MAPKAP1: variants seen among roughly 807,000 people sequenced by gnomAD.
MAPKAP1 encodes MAPK associated protein 1, also known as target of rapamycin complex 2 subunit MAPKAP1.
Under a neutral mutation model 65.7 loss-of-function variants are expected in MAPKAP1, and 20 were observed. That is an observed-to-expected ratio of 0.30 (90% CI 0.21 to 0.44). The LOEUF (loss-of-function observed/expected upper bound fraction) is 0.44, where lower values mean the gene tolerates loss of function less well. Among genes scored for constraint, MAPKAP1 ranks in the 20% least tolerant of loss-of-function variants. The probability of loss-of-function intolerance (pLI) is 1.00; values close to 1 mark genes in which losing one functional copy is unlikely to be tolerated. For synonymous variants in MAPKAP1, 222 were observed against 244.3 expected (o/e 0.91, Z 0.85); for missense variants, 423 against 648.0 (o/e 0.65, Z 3.77).
At chr9:125,457,532 G>C (rs1020565271) in intron 10 of MAPKAP1, among the ~76,000 whole-genome samples, 3 of 152,184 alleles carry the variant, frequency 2.0e-5, no homozygotes, top group African/African-American at 7.2e-5. Context: ...TGCATGTCTA[G>C]TAATTTTTAA....
intron 5 of MAPKAP1, among the ~76,000 whole-genome samples, chr9:125,577,396 A>T (rs1318789595): frequency 6.9e-6 from 1 of 145,396 alleles, no homozygotes; most frequent in Non-Finnish European, 1.5e-5. Context: ...GTGGGGGGTC[A>T]GCCCCCCGCC....
chr9:125,692,733 T>G (rs1471058908), intron 1 of MAPKAP1, among the ~76,000 whole-genome samples: 1 of 152,224 alleles, frequency 6.6e-6, no homozygotes, highest in African/African-American at 2.4e-5. Context: ...TTTTTTCTAA[T>G]TCAGGTGATT....
intron 1 of MAPKAP1, among the ~76,000 whole-genome samples, chr9:125,705,969 G>C (rs1042762471): frequency 1.3e-5 from 2 of 152,172 alleles, no homozygotes; most frequent in African/African-American, 4.8e-5. Flanking sequence ...GGAGATGTAA[G>C]GGGGTGTAAG....
intron 6 of MAPKAP1, among the ~76,000 whole-genome samples, chr9:125,556,168 T>C (rs1479999365): frequency 6.6e-6 from 1 of 152,214 alleles, no homozygotes; most frequent in Non-Finnish European, 1.5e-5. Flanking sequence ...AACTGATCTG[T>C]GAGGTAGGTA....
intron 7 of MAPKAP1, among the ~76,000 whole-genome samples, chr9:125,512,088 G>C (rs1421368551): frequency 6.6e-6 from 1 of 152,212 alleles, no homozygotes; most frequent in Non-Finnish European, 1.5e-5. Flanking sequence ...AGAATCTGTT[G>C]GTTGGTGGCT....
intron 4 of MAPKAP1, among the ~76,000 whole-genome samples, chr9:125,642,428 C>G (rs776254890): frequency 1.3e-5 from 2 of 152,012 alleles, no homozygotes; most frequent in Non-Finnish European, 2.9e-5. Context: ...TCCTGAAAAA[C>G]AGAGTATGGA....
chr9:125,672,264 G>A, intron 2 of MAPKAP1, 52 bp downstream of exon 2: 4 of 1,592,042 alleles, frequency 2.5e-6, no homozygotes, highest in South Asian at 1.1e-5. Flanking sequence ...TATTCCATAA[G>A]ACTGTTTACT....
At chr9:125,477,347 G>A (rs1353143077) in intron 9 of MAPKAP1, among the ~76,000 whole-genome samples, 1 of 152,178 alleles carries the variant, frequency 6.6e-6, no homozygotes, top group Non-Finnish European at 1.5e-5. Context: ...TTCTCAGCGT[G>A]AGACTGCATC....
At chr9:125,551,283 T>TAA (rs1830577138) in intron 6 of MAPKAP1, among the ~76,000 whole-genome samples, 1 of 152,064 alleles carries the variant, frequency 6.6e-6, no homozygotes, top group African/African-American at 2.4e-5. Flanking sequence ...TCACTTGGGG[T>TAA]ATACTGTGGA....
intron 3 of MAPKAP1, among the ~76,000 whole-genome samples, chr9:125,667,372 T>C (rs986443243): frequency 3.9e-5 from 6 of 152,208 alleles, no homozygotes; most frequent in East Asian, 1.9e-4. Context: ...CAGACTGAAG[T>C]GCACTGGCGC....
intron 4 of MAPKAP1, among the ~76,000 whole-genome samples, chr9:125,614,259 T>C (rs1439981544): frequency 1.3e-5 from 2 of 152,186 alleles, no homozygotes; most frequent in Non-Finnish European, 1.5e-5. Flanking sequence ...ACTAGAATAT[T>C]TGATGACCAA....
intron 3 of MAPKAP1, among the ~76,000 whole-genome samples, chr9:125,667,721 G>A (rs947368007): frequency 3.3e-5 from 5 of 152,034 alleles, no homozygotes; most frequent in African/African-American, 1.2e-4. Context: ...CTCACTGTGC[G>A]TTTTATTTAT....
chr9:125,693,948 C>T (rs998836118), intron 1 of MAPKAP1, among the ~76,000 whole-genome samples: 4 of 151,872 alleles, frequency 2.6e-5, no homozygotes, highest in African/African-American at 7.3e-5. Context: ...GAGGAAGTTC[C>T]CTTGAGCCCA....
intron 4 of MAPKAP1, among the ~76,000 whole-genome samples, chr9:125,618,341 CAAAAAAAAAAAAAAAAAA>C (rs60166871): frequency 1.9e-3 from 60 of 31,226 alleles, no homozygotes; most frequent in African/African-American, 8.3e-3. Context: ...GGCTCCGTCT[CAAAAAAAAAAAAAAAAAA>C]AAAAAAAAAA....
intron 4 of MAPKAP1, among the ~76,000 whole-genome samples, chr9:125,630,377 C>T (rs1833246454): frequency 1.3e-5 from 2 of 152,138 alleles, no homozygotes; most frequent in Admixed American, 1.3e-4. Context: ...AGTGATTCCC[C>T]AGTCTCAGCC....
At chr9:125,547,102 TAAA>T (rs766191551) in intron 6 of MAPKAP1, among the ~76,000 whole-genome samples, 4 of 152,110 alleles carry the variant, frequency 2.6e-5, no homozygotes, top group Non-Finnish European at 2.9e-5. Context: ...ATGGGCATTT[TAAA>T]AAGAGACTCC....
intron 7 of MAPKAP1, chr9:125,542,835 C>A (rs1330106018): frequency 8.8e-6 from 6 of 679,698 alleles, no homozygotes; most frequent in African/African-American, 1.7e-5. Context: ...GGAACTTCCA[C>A]AATTGATATG....
chr9:125,485,445 C>T (rs928871634), intron 8 of MAPKAP1, among the ~76,000 whole-genome samples: 6 of 152,244 alleles, frequency 3.9e-5, no homozygotes, highest in African/African-American at 1.4e-4. Context: ...CCTGGCTCCA[C>T]GGCCTCCTGA....
chr9:125,466,037 GT>G (rs1853659075), intron 10 of MAPKAP1, among the ~76,000 whole-genome samples: 1 of 152,204 alleles, frequency 6.6e-6, no homozygotes, highest in Non-Finnish European at 1.5e-5. Flanking sequence ...GCTTGCCAAT[GT>G]CTGCAAAGGC....
Sources: gnomAD v4.1 joint callset for allele counts (sites outside exome capture counted in the v4.1 genomes callset) on GRCh38, gnomAD v4.1.1 for gene constraint, MANE v1.5 for transcripts, NCBI Gene and HGNC (gene_info 2026-07-23, HGNC 2026-07-21) for gene names.